The following RHCG variants were observed in gnomAD, a reference collection of about 807,000 sequenced individuals.
The protein encoded by RHCG is ammonium transporter Rh type C.
In RHCG, 39 loss-of-function variants were observed where a neutral mutation model predicts 55.3. That is an observed-to-expected ratio of 0.70 (90% CI 0.55 to 0.92). RHCG has a LOEUF of 0.92. Ranked by LOEUF, RHCG falls within the 40% of genes least tolerant of loss-of-function variation. The pLI, the probability that RHCG is intolerant of heterozygous loss-of-function variation, is 0.00. For synonymous variants in RHCG, 250 were observed against 246.8 expected (o/e 1.01, Z -0.12); for missense variants, 635 against 627.9 (o/e 1.01, Z -0.12).
intron 2 of RHCG, among the ~76,000 whole-genome samples, chr15:89,483,760 CA>C (rs948362086): frequency 2.6e-5 from 4 of 152,052 alleles, no homozygotes; most frequent in Admixed American, 2.0e-4. Context: ...AGGGAAGAGA[CA>C]GGGGGGCCTT....
At chr15:89,486,773 G>T (rs1226665833) in intron 2 of RHCG, 26 bp downstream of exon 2, 1 of 1,565,002 alleles carries the variant, frequency 6.4e-7, no homozygotes, top group Admixed American at 1.7e-5. Flanking sequence ...AGTCCGCCAC[G>T]CCCCCGGGGC....
chr15:89,473,412 T>A (rs1230346062), intron 9 of RHCG, among the ~76,000 whole-genome samples: 2 of 151,996 alleles, frequency 1.3e-5, no homozygotes, highest in Admixed American at 6.5e-5. Context: ...ACTGGTCCAA[T>A]CCCCATCCTC....
intron 5 of RHCG, among the ~76,000 whole-genome samples, chr15:89,478,877 G>C (rs1443397975): frequency 6.6e-6 from 1 of 152,086 alleles, no homozygotes; most frequent in Non-Finnish European, 1.5e-5. Context: ...GATCACCTGA[G>C]GTCAGGAATT....
chr15:89,488,285 T>C (rs945995734), intron 1 of RHCG, among the ~76,000 whole-genome samples: 1 of 130,948 alleles, frequency 7.6e-6, no homozygotes, highest in Admixed American at 8.0e-5. Flanking sequence ...ATGCTGAGGC[T>C]ACACTTAAAT....
intron 4 of RHCG, chr15:89,479,700 T>C: frequency 1.7e-6 from 1 of 571,910 alleles, no homozygotes; most frequent in Non-Finnish European, 3.1e-6. Context: ...CTCCAGGAAG[T>C]CTACCCTGAC....
At chr15:89,487,131 C>T (rs995945188) in intron 1 of RHCG, 146 bp from the exon 2 acceptor site, 8 of 650,898 alleles carry the variant, frequency 1.2e-5, no homozygotes, top group Non-Finnish European at 1.7e-5. Context: ...CCGGTTCCCC[C>T]ACCCCCACCC....
At chr15:89,480,197 C>G (rs758954906) in intron 4 of RHCG, 64 bp downstream of exon 4, 3 of 1,601,690 alleles carry the variant, frequency 1.9e-6, no homozygotes, top group Non-Finnish European at 2.6e-6. Flanking sequence ...ATCATGGCTG[C>G]CTTCACCCAT....
At chr15:89,481,589 C>T (rs1329946542) in intron 3 of RHCG, among the ~76,000 whole-genome samples, 2 of 152,102 alleles carry the variant, frequency 1.3e-5, no homozygotes, top group Non-Finnish European at 2.9e-5. Context: ...GAGCAGACAG[C>T]ACAGTATGAC....
chr15:89,493,264 C>A (rs62023061), intron 1 of RHCG, among the ~76,000 whole-genome samples: 43,235 of 152,152 alleles, frequency 0.28, 6,638 homozygotes, highest in South Asian at 0.35. Flanking sequence ...CTCCTTGGGC[C>A]AGCCTCCCTG....
rs1212638171 is a variant in RHCG at position 89,471,549 on chromosome 15, A to T, written c.*331T>A. 1.3e-5 allele frequency: 2 copies of T among 152,480 alleles called. No individual in the cohort carries two copies. Among genetic ancestry groups the T allele is most frequent in the African/African-American group, 4.8e-5 (2 of 41,466 alleles). 9.4% of individuals were successfully genotyped at this position (152,480 alleles called of 1,614,324 possible). On this transcript the variant is annotated 3_prime_UTR_variant, in exon 11 of 11. Coordinates refer to ENST00000268122, the MANE Select transcript of RHCG (RefSeq NM_016321.3). ...AAGAGCCTCATAGGTGGTGACTGGC[A>T]GCTAAGTTGTCTCCTGGGAGAGCTC...
intron 1 of RHCG, among the ~76,000 whole-genome samples, chr15:89,494,876 C>A (rs1050377958): frequency 6.6e-6 from 1 of 152,088 alleles, no homozygotes; most frequent in African/African-American, 2.4e-5. Flanking sequence ...CATGGGAGTT[C>A]TTGCCCCTTA....
intron 1 of RHCG, among the ~76,000 whole-genome samples, chr15:89,495,567 C>T (rs1961551062): frequency 6.6e-6 from 1 of 152,182 alleles, no homozygotes; most frequent in Non-Finnish European, 1.5e-5. Context: ...CTTGGGCTAG[C>T]TCTCCCTGCT....
At chr15:89,486,276 T>G (rs913209409) in intron 2 of RHCG, 5 of 456,528 alleles carry the variant, frequency 1.1e-5, no homozygotes, top group Non-Finnish European at 2.2e-5. Flanking sequence ...GGTACCTCCA[T>G]TTGGCTGGAG....
At position 89,479,616 on chromosome 15, in the gene RHCG, G is replaced by A. The variant is rs2141891896; in HGVS notation, c.671-128C>T. ...ACACCCAGCTGTTTCCACCTCTGCA[G>A]CTTTAGTCATGCAGGGGCTCTTCCT... is the stretch of plus-strand genomic sequence containing the variant. On this transcript the variant is annotated intron_variant, in intron 4 of 10. Coordinates refer to ENST00000268122, the MANE Select transcript of RHCG (RefSeq NM_016321.3). The A allele has an allele frequency of 3.6e-6, 3 of 836,956 alleles. No individual in the cohort carries two copies. The South Asian group carries it at 5.5e-5, about 15-fold the overall frequency. The allele number at this position is 836,956 out of a possible 1,614,324, so 51.8% of individuals were successfully genotyped here. A position where few individuals can be genotyped will look rare whatever the true frequency, so the allele number is the denominator to read the frequency against.
chr15:89,486,607 T>A (rs866588503), intron 2 of RHCG, 192 bp downstream of exon 2: 341 of 496,554 alleles, frequency 6.9e-4, no homozygotes, highest in African/African-American at 4.8e-3. Context: ...AGAGTGTGTG[T>A]GTGTGTGTGT....
chr15:89,493,658 G>A (rs868262318), intron 1 of RHCG, among the ~76,000 whole-genome samples: 1 of 152,344 alleles, frequency 6.6e-6, no homozygotes, highest in Middle Eastern at 3.4e-3. Flanking sequence ...ACTCACATGG[G>A]CCAGGAAGCC....
At chr15:89,480,526 G>C in intron 3 of RHCG, 118 bp from the exon 4 acceptor site, 4 of 1,219,136 alleles carry the variant, frequency 3.3e-6, no homozygotes, top group Non-Finnish European at 4.6e-6. Context: ...ACTCTTCAGG[G>C]TGCAGGATGG....
In RHCG at chr15:89,477,159, G is replaced by C. The variant is rs753832088; in HGVS notation, c.1160C>G (p.Ala387Gly). The C allele has an allele frequency of 1.2e-6, 2 of 1,614,044 alleles. No individual in the cohort carries two copies. The highest frequency in any genetic ancestry group is 1.7e-6 in the Non-Finnish European group (2 of 1,180,010). Residue 387 changes from alanine to glycine, a missense_variant, in exon 8 of 11, where the codon GCA becomes GGA. Transcript: ENST00000268122. The surrounding 1 kb of genome is among the most constrained non-coding windows in gnomAD (Gnocchi z 4.5). ...AATCTGGAACTTTCCCTGTGTTCTTGCGGTCCAGTCCCCGTTGAAACCTTG... is the reference window on the plus strand; with the variant it reads ...AATCTGGAACTTTCCCTGTGTTCTTCCGGTCCAGTCCCCGTTGAAACCTTG... ...DFQGFNGDWT[A>G]RTQGKFQIYG...
At chr15:89,485,997 G>T (rs780385330) in intron 2 of RHCG, among the ~76,000 whole-genome samples, 6 of 152,212 alleles carry the variant, frequency 3.9e-5, no homozygotes, top group Non-Finnish European at 8.8e-5. Flanking sequence ...GGGGAGGTGT[G>T]TTGAGGCTTG....
Sources: gnomAD v4.1 joint callset for allele counts (sites outside exome capture counted in the v4.1 genomes callset) on GRCh38, gnomAD v4.1.1 for gene constraint, Gnocchi (gnomAD v3.1) non-coding constraint, MANE v1.5 for transcripts, NCBI Gene and HGNC (gene_info 2026-07-23, HGNC 2026-07-21) for gene names.